LMX1A: variants seen among roughly 807,000 people sequenced by gnomAD.
LMX1A encodes LIM homeobox transcription factor 1 alpha.
Under a neutral mutation model 49.1 loss-of-function variants are expected in LMX1A, and 15 were observed. The observed-to-expected ratio is 0.31, with a 90% confidence interval of 0.20 to 0.47. LMX1A has a LOEUF of 0.47. LMX1A is among the 20% of genes least tolerant of loss of function. LMX1A has a pLI of 1.00. For missense variants in LMX1A, 372 were observed against 475.8 expected (o/e 0.78, Z 2.03); for synonymous variants, 167 against 185.7 (o/e 0.90, Z 0.82).
At chr1:165,287,544 C>T (rs1279002819) in intron 3 of LMX1A, among the ~76,000 whole-genome samples, 1 of 152,104 alleles carries the variant, frequency 6.6e-6, no homozygotes, top group East Asian at 1.9e-4. Flanking sequence ...AGTTATTCAT[C>T]TGGGAAGGGT....
At chr1:165,303,904 A>T (rs1344823804) in intron 3 of LMX1A, among the ~76,000 whole-genome samples, 1 of 152,116 alleles carries the variant, frequency 6.6e-6, no homozygotes, top group Non-Finnish European at 1.5e-5. Flanking sequence ...CAGATATTAT[A>T]TCTAGTATAT....
chr1:165,350,173 C>CAAAAAAAAAAAA (rs60150264), intron 3 of LMX1A, among the ~76,000 whole-genome samples: 1 of 80,208 alleles, frequency 1.2e-5, no homozygotes, highest in Non-Finnish European at 2.3e-5. Flanking sequence ...AAAGATCCAC[C>CAAAAAAAAAAAA]AAAAAAAAAA....
chr1:165,224,996 C>T (rs889960465), intron 4 of LMX1A, among the ~76,000 whole-genome samples: 29 of 152,156 alleles, frequency 1.9e-4, no homozygotes, highest in Non-Finnish European at 1.6e-4. Flanking sequence ...AAAAGAGAAA[C>T]CCCAAATTAT....
chr1:165,210,620 G>A, intron 6 of LMX1A, 79 bp downstream of exon 6: 2 of 1,013,590 alleles, frequency 2.0e-6, no homozygotes, highest in Non-Finnish European at 3.0e-6. Flanking sequence ...AGAAAACCTG[G>A]CAGCAAGTAC....
intron 3 of LMX1A, among the ~76,000 whole-genome samples, chr1:165,305,013 A>G (rs1323565386): frequency 3.3e-5 from 5 of 152,170 alleles, no homozygotes; most frequent in South Asian, 2.1e-4. Context: ...ACCACTTTGC[A>G]TTATAAGGAT....
At chr1:165,344,525 A>T (rs935053577) in intron 3 of LMX1A, among the ~76,000 whole-genome samples, 5 of 152,246 alleles carry the variant, frequency 3.3e-5, no homozygotes, top group African/African-American at 9.6e-5. Context: ...AGGAGGCAGG[A>T]TGTTATTAAG....
rs762558080 is a variant in LMX1A, at chr1:165,213,644, C to T, written c.666G>A (p.Arg222=). The T allele has an allele frequency of 6.2e-7, 1 of 1,613,794 alleles. No homozygotes were observed. Among genetic ancestry groups the T allele is most frequent in the East Asian group, 2.2e-5 (1 of 44,884 alleles). Residue 222 remains arginine (R), a synonymous_variant, in exon 5 of 9, where the codon AGG becomes AGA. Transcript: ENST00000342310. Reference sequence around the variant, plus strand: ...TCCTCCCTGCTCCCTCCTATACCTTCCTGCAGGGCTTGGAGGATACTTCAA... The same window carrying T: ...TCCTCCCTGCTCCCTCCTATACCTTTCTGCAGGGCTTGGAGGATACTTCAA... ...ASFEVSSKPC[R]KVRETLAAET...
rs539851743 is a variant in LMX1A, at chr1:165,251,641, A to G, written c.264-2001T>C. On this transcript the variant is annotated intron_variant, in intron 3 of 8. Transcript: ENST00000342310. ...GATAATGCCAAGACTCCAGTATACA[A>G]AATTACTCATTTCCTACCTCTGGGC... Among the ~76,000 whole-genome samples, 11 of 152,242 alleles carry G rather than the reference A, an allele frequency of 7.2e-5. No homozygotes were observed. In the East Asian group the frequency reaches 2.1e-3, roughly 29 times the overall value.
Position 165,353,137 on chromosome 1 carries a change from G to T in LMX1A, c.202C>A (p.Pro68Thr). ...QCVQCASCKE[P>T]LETTCFYRDK... is the part of the protein sequence containing the mutation. ...CGGTAGAAGCAGGTGGTCTCCAGGG[G>T]CTCTTTGCAGGAGGCGCACTGCACG... The change falls in exon 3 of 9, where the codon CCC becomes ACC. Residue 68 changes from proline to threonine, a missense_variant. Pro to Thr is a conservative substitution (Grantham distance 38). Coordinates refer to ENST00000342310, the MANE Select transcript of LMX1A (RefSeq NM_177398.4). The T allele has an allele frequency of 6.2e-7, 1 of 1,614,204 alleles. No individual in the cohort carries two copies.
intron 4 of LMX1A, among the ~76,000 whole-genome samples, chr1:165,222,602 G>A (rs1165771867): frequency 6.6e-6 from 1 of 152,188 alleles, no homozygotes; most frequent in Non-Finnish European, 1.5e-5. Context: ...TGGTTAGGAA[G>A]GTGCGGTAAG....
intron 4 of LMX1A, among the ~76,000 whole-genome samples, chr1:165,220,293 G>A (rs1218254558): frequency 6.6e-6 from 1 of 152,126 alleles, no homozygotes; most frequent in Non-Finnish European, 1.5e-5. Flanking sequence ...AAAAGTGTGA[G>A]CATTTAGAAA....
At chr1:165,269,312 A>T (rs990785227) in intron 3 of LMX1A, among the ~76,000 whole-genome samples, 2 of 152,238 alleles carry the variant, frequency 1.3e-5, no homozygotes, top group Non-Finnish European at 2.9e-5. Flanking sequence ...CATTGCGGAT[A>T]AGAGTTCAGC....
At position 165,355,549 on chromosome 1, in the gene LMX1A, C is replaced by G. The variant is rs200643176; in HGVS notation, c.11G>C (p.Gly4Ala). ...TTGGAAGTTCTCCTCCATCTTTAGG[C>G]CGTCCAGCATGTTCGGGCCGGGCCG... The part of the protein sequence containing the change: MLD[G>A]LKMEENFQSA... The change falls in exon 2 of 9, where the codon GGC becomes GCC. Residue 4 changes from glycine to alanine, a missense_variant. Physicochemically the swap from Gly to Ala is moderately conservative, Grantham distance 60. Transcript: ENST00000342310. The surrounding 1 kb of genome is among the most constrained non-coding windows in gnomAD (Gnocchi z 4.7). 1.1e-4 allele frequency: 178 copies of G among 1,613,674 alleles called. No homozygotes were observed. The highest frequency in any genetic ancestry group is 1.4e-4 in the Non-Finnish European group (164 of 1,179,926).
intron 3 of LMX1A, among the ~76,000 whole-genome samples, chr1:165,305,807 C>T (rs1385703555): frequency 1.3e-5 from 2 of 152,138 alleles, no homozygotes; most frequent in South Asian, 2.1e-4. Flanking sequence ...AGGTTAAGTA[C>T]CAAGACTCCA....
chr1:165,283,212 T>C (rs1347367134), intron 3 of LMX1A, among the ~76,000 whole-genome samples: 1 of 152,232 alleles, frequency 6.6e-6, no homozygotes, highest in Admixed American at 6.5e-5. Flanking sequence ...TACAACTGCC[T>C]ACAGTGTTCA....
At chr1:165,314,983 C>T (rs183123030) in intron 3 of LMX1A, among the ~76,000 whole-genome samples, 38 of 152,318 alleles carry the variant, frequency 2.5e-4, no homozygotes, top group Non-Finnish European at 4.1e-4. Flanking sequence ...TGGTGACATA[C>T]TTCCTTCTCT....
intron 8 of LMX1A, among the ~76,000 whole-genome samples, chr1:165,204,626 C>G (rs1192113073): frequency 6.6e-6 from 1 of 152,190 alleles, no homozygotes; most frequent in Non-Finnish European, 1.5e-5. Flanking sequence ...CAACCAGGAT[C>G]TGGAGGCAAA....
At chr1:165,256,590 C>T (rs1056885231) in intron 3 of LMX1A, among the ~76,000 whole-genome samples, 3 of 152,156 alleles carry the variant, frequency 2.0e-5, no homozygotes, top group African/African-American at 7.2e-5. Flanking sequence ...AAATATAAAA[C>T]AGCTAAAGCC....
At chr1:165,282,179 A>G (rs901060916) in intron 3 of LMX1A, among the ~76,000 whole-genome samples, 16 of 152,200 alleles carry the variant, frequency 1.1e-4, no homozygotes, top group Non-Finnish European at 1.5e-4. Context: ...TACCACCTAT[A>G]GCCTGATAAA....
Sources: gnomAD v4.1 joint callset for allele counts (sites outside exome capture counted in the v4.1 genomes callset) on GRCh38, gnomAD v4.1.1 for gene constraint, Gnocchi (gnomAD v3.1) non-coding constraint, MANE v1.5 for transcripts, NCBI Gene and HGNC (gene_info 2026-07-23, HGNC 2026-07-21) for gene names.